Variants in ZNF704 observed in about 807,000 individuals in gnomAD.
The protein encoded by ZNF704 is glucocorticoid induced gene 1.
Under a neutral mutation model 44.7 loss-of-function variants are expected in ZNF704, and 10 were observed. That is an observed-to-expected ratio of 0.22 (90% CI 0.14 to 0.38). The LOEUF is 0.38. ZNF704 is among the 10% of genes least tolerant of loss of function. The pLI is 1.00. For missense variants in ZNF704, 390 were observed against 545.5 expected, an observed-to-expected ratio of 0.71 and a Z score of 2.84; for synonymous variants, 211 against 207.6, an observed-to-expected ratio of 1.02 and a Z score of -0.14.
At chr8:80,651,852 A>G (rs891718948) in intron 7 of ZNF704, among the ~76,000 whole-genome samples, 1 of 152,338 alleles carries the variant, frequency 6.6e-6, no homozygotes, top group Admixed American at 6.5e-5. Context: ...ACCCCAAATC[A>G]ACAGAATATA....
chr8:80,652,384 T>A (rs986272956), intron 7 of ZNF704, among the ~76,000 whole-genome samples: 2 of 152,074 alleles, frequency 1.3e-5, no homozygotes. Flanking sequence ...CAGGAGCTGT[T>A]TTTTTTAAAA....
intron 7 of ZNF704, among the ~76,000 whole-genome samples, chr8:80,655,651 T>TG (rs2131601327): frequency 6.6e-6 from 1 of 152,340 alleles, no homozygotes; most frequent in South Asian, 2.1e-4. Flanking sequence ...CGTTCACAAA[T>TG]GCCAGAGCCA....
chr8:80,721,277 A>G (rs1819162643), intron 2 of ZNF704, among the ~76,000 whole-genome samples: 1 of 152,200 alleles, frequency 6.6e-6, no homozygotes, highest in Non-Finnish European at 1.5e-5. Flanking sequence ...CTTTAAGGAA[A>G]TAGAGGAGAG....
intron 1 of ZNF704, among the ~76,000 whole-genome samples, chr8:80,869,683 T>C (rs1809217447): frequency 6.6e-6 from 1 of 152,198 alleles, no homozygotes; most frequent in Non-Finnish European, 1.5e-5. Context: ...ACCTGGTGTT[T>C]ATAACCTTGT....
chr8:80,648,338 C>G (rs1480937934), intron 7 of ZNF704, among the ~76,000 whole-genome samples: 1 of 152,206 alleles, frequency 6.6e-6, no homozygotes, highest in African/African-American at 2.4e-5. Context: ...CGAGGACCCA[C>G]TTCAAACTTC....
At chr8:80,688,242 G>A (rs537223796) in intron 3 of ZNF704, among the ~76,000 whole-genome samples, 2 of 152,112 alleles carry the variant, frequency 1.3e-5, no homozygotes, top group African/African-American at 4.8e-5. Context: ...GTTCTTATAG[G>A]ACTGTTATTC....
chr8:80,863,659 C>A (rs1809106703), intron 1 of ZNF704, among the ~76,000 whole-genome samples: 1 of 152,156 alleles, frequency 6.6e-6, no homozygotes, highest in Non-Finnish European at 1.5e-5. Context: ...CTATTAGTTA[C>A]AATGCACTAA....
intron 2 of ZNF704, among the ~76,000 whole-genome samples, chr8:80,805,071 G>A (rs1443031599): frequency 2.6e-5 from 4 of 152,084 alleles, no homozygotes; most frequent in Non-Finnish European, 5.9e-5. Flanking sequence ...TTATCAAACT[G>A]TAAAAATTAA....
At chr8:80,771,284 A>G (rs1382625634) in intron 2 of ZNF704, among the ~76,000 whole-genome samples, 1 of 151,656 alleles carries the variant, frequency 6.6e-6, no homozygotes, top group Non-Finnish European at 1.5e-5. Context: ...ACCTGTATAT[A>G]TTTTTGTGAG....
chr8:80,851,121 T>C (rs1808855792), intron 1 of ZNF704, among the ~76,000 whole-genome samples: 1 of 152,176 alleles, frequency 6.6e-6, no homozygotes. Flanking sequence ...TTGAATACTG[T>C]AGACAATGGT....
At chr8:80,657,450 T>C (rs1430260902) in intron 7 of ZNF704, among the ~76,000 whole-genome samples, 1 of 152,140 alleles carries the variant, frequency 6.6e-6, no homozygotes, top group Non-Finnish European at 1.5e-5. Context: ...CCCAGCACTT[T>C]GGGAGGCTGA....
At chr8:80,880,105 T>C in the ZNF704 span, among the ~76,000 whole-genome samples, 2 of 152,214 alleles carry the variant, frequency 1.3e-5, no homozygotes, top group Admixed American at 1.3e-4. Flanking sequence ...TCTCAGAGTG[T>C]GTGTGAAACT....
chr8:80,832,033 T>C lies in ZNF704; in HGVS notation c.-21-10418A>G, dbSNP rs1808480202. Reference sequence around the variant, plus strand: ...TATAGTGTATCACAGACATACACATTATCCCATATAATTTCTTGCAAGGGA... The same window carrying C: ...TATAGTGTATCACAGACATACACATCATCCCATATAATTTCTTGCAAGGGA... On this transcript the variant is annotated intron_variant, in intron 1 of 8. Coordinates refer to ENST00000327835, the MANE Select transcript of ZNF704 (RefSeq NM_001033723.3). Among the ~76,000 whole-genome samples, 3 of 152,216 alleles carry C rather than the reference T, an allele frequency of 2.0e-5. 1 individual carries two copies. The South Asian group carries it at 6.2e-4, about 32-fold the overall frequency.
At chr8:80,658,383 C>CAA (rs35320697) in intron 7 of ZNF704, among the ~76,000 whole-genome samples, 5 of 136,592 alleles carry the variant, frequency 3.7e-5, no homozygotes, top group African/African-American at 7.8e-5. Flanking sequence ...TTATGTCTAC[C>CAA]AAAAAAAAAA....
chr8:80,791,415 G>A (rs1807706734), intron 2 of ZNF704, among the ~76,000 whole-genome samples: 1 of 152,126 alleles, frequency 6.6e-6, no homozygotes, highest in African/African-American at 2.4e-5. Flanking sequence ...AAAAATACAG[G>A]GCCCAGAGTC....
intron 2 of ZNF704, among the ~76,000 whole-genome samples, chr8:80,820,359 G>A (rs561633743): frequency 3.4e-4 from 52 of 152,176 alleles, no homozygotes; most frequent in South Asian, 6.2e-4. Context: ...CAGTGCTATT[G>A]GGTGTGGTTT....
chr8:80,834,374 T>C (rs1808523151), intron 1 of ZNF704, among the ~76,000 whole-genome samples: 1 of 152,166 alleles, frequency 6.6e-6, no homozygotes, highest in African/African-American at 2.4e-5. Context: ...GCAGCTTCAA[T>C]GATGGAGTAA....
At chr8:80,848,629 C>T (rs1446867536) in intron 1 of ZNF704, among the ~76,000 whole-genome samples, 1 of 151,968 alleles carries the variant, frequency 6.6e-6, no homozygotes, top group Non-Finnish European at 1.5e-5. Context: ...TGGATCCCTT[C>T]AGCCCAGGAG....
intron 2 of ZNF704, among the ~76,000 whole-genome samples, chr8:80,745,430 C>T (rs1032607020): frequency 4.6e-5 from 7 of 152,054 alleles, no homozygotes; most frequent in African/African-American, 1.2e-4. Context: ...AGCTAAGTTC[C>T]AGGACTAGAA....
Sources: gnomAD v4.1 joint callset for allele counts (sites outside exome capture counted in the v4.1 genomes callset) on GRCh38, gnomAD v4.1.1 for gene constraint, MANE v1.5 for transcripts, NCBI Gene and HGNC (gene_info 2026-07-23, HGNC 2026-07-21) for gene names.